LMBR1: variants seen among roughly 807,000 people sequenced by gnomAD.
LMBR1 encodes the protein limb development membrane protein 1.
Under a neutral mutation model 73.9 loss-of-function variants are expected in LMBR1, and 52 were observed. The ratio of observed to expected loss-of-function variants is 0.70; its 90% CI spans 0.56 to 0.89. The LOEUF is 0.89. Among genes scored for constraint, LMBR1 ranks in the 40% least tolerant of loss-of-function variants. The probability of loss-of-function intolerance (pLI) is 0.00; values close to 1 mark genes in which losing one functional copy is unlikely to be tolerated. For missense variants in LMBR1, 539 were observed against 579.8 expected (o/e 0.93, Z 0.72); for synonymous variants, 215 against 209.4 (o/e 1.03, Z -0.23).
At chr7:156,804,475 T>C (rs1197262995) in intron 4 of LMBR1, among the ~76,000 whole-genome samples, 1 of 152,238 alleles carries the variant, frequency 6.6e-6, no homozygotes, top group African/African-American at 2.4e-5. Flanking sequence ...AGTGGTTGTA[T>C]TTTACAGTCT....
chr7:156,781,921 A>AC, intron 5 of LMBR1, among the ~76,000 whole-genome samples: 1 of 152,142 alleles, frequency 6.6e-6, no homozygotes, highest in African/African-American at 2.4e-5. Flanking sequence ...CATCACCACC[A>AC]CCCATCTCCA....
intron 1 of LMBR1, 77 bp downstream of exon 1, chr7:156,892,851 A>ACCCGGGGAC (rs200101319): frequency 2.4e-5 from 25 of 1,059,406 alleles, no homozygotes; most frequent in East Asian, 6.9e-5. Flanking sequence ...GGGTCCGGGG[A>ACCCGGGGAC]CCGGGGGCCC....
chr7:156,887,224 G>C (rs1343020828), intron 1 of LMBR1, among the ~76,000 whole-genome samples: 2 of 152,138 alleles, frequency 1.3e-5, no homozygotes, highest in Non-Finnish European at 2.9e-5. Context: ...CCAGCACTTT[G>C]GGAGGCCGAG....
intron 9 of LMBR1, 132 bp downstream of exon 9, chr7:156,756,261 T>C (rs1458634527): frequency 1.8e-6 from 1 of 561,272 alleles, no homozygotes; most frequent in Non-Finnish European, 3.1e-6. Flanking sequence ...AGTTCTTTTA[T>C]TACTCTAAAG....
chr7:156,762,840 A>AGTGT (rs772516533), intron 7 of LMBR1, among the ~76,000 whole-genome samples: 2 of 115,672 alleles, frequency 1.7e-5, no homozygotes, highest in Admixed American at 9.5e-5. Flanking sequence ...AAAGTGTGTG[A>AGTGT]GTGTGAGTGT....
chr7:156,809,519 A>G (rs1832723897), intron 4 of LMBR1, among the ~76,000 whole-genome samples: 1 of 152,208 alleles, frequency 6.6e-6, no homozygotes, highest in African/African-American at 2.4e-5. Flanking sequence ...ACAATACCTA[A>G]TACAGTGTAA....
chr7:156,798,878 C>G (rs1398245377), intron 4 of LMBR1, among the ~76,000 whole-genome samples: 4 of 151,938 alleles, frequency 2.6e-5, no homozygotes, highest in Non-Finnish European at 4.4e-5. Flanking sequence ...ATCTCATAGT[C>G]TTTTTAAAAA....
Position 156,759,197 on chromosome 7 carries a change from G to A in LMBR1, c.685-2732C>T, listed in dbSNP as rs563432056. On this transcript the variant is annotated intron_variant, in intron 8 of 16. Coordinates refer to ENST00000353442, the MANE Select transcript of LMBR1 (RefSeq NM_022458.4). ...TCCCAGATGGGGAGACAAAAGTTTCGACCAGTGTTTTTGATGGTAGTAGCA... is the reference window on the plus strand; with the variant it reads ...TCCCAGATGGGGAGACAAAAGTTTCAACCAGTGTTTTTGATGGTAGTAGCA... 8.5e-5 allele frequency among the ~76,000 whole-genome samples: 13 copies of A among 152,308 alleles called. No homozygotes were observed. In the South Asian group the frequency reaches 1.7e-3, roughly 19 times the overall value.
chr7:156,865,989 G>T (rs1261880356), intron 1 of LMBR1, among the ~76,000 whole-genome samples: 3 of 150,580 alleles, frequency 2.0e-5, no homozygotes, highest in Non-Finnish European at 4.4e-5. Flanking sequence ...ATTATTGGAA[G>T]AAGGTATAGA....
At chr7:156,726,824 C>T (rs929404144) in intron 12 of LMBR1, among the ~76,000 whole-genome samples, 1 of 152,066 alleles carries the variant, frequency 6.6e-6, no homozygotes, top group Non-Finnish European at 1.5e-5. Flanking sequence ...GGGTGCCCCC[C>T]GCAACCCACC....
At position 156,796,399 on chromosome 7, in the gene LMBR1, C is replaced by A; in HGVS notation, c.413G>T (p.Gly138Val). Reference sequence around the variant, plus strand: ...ACTAGATTCACTTACCTTTTTCAGGCCAGCAAAGCCTTCTGATTCCAGAAA... The same window carrying A: ...ACTAGATTCACTTACCTTTTTCAGGACAGCAAAGCCTTCTGATTCCAGAAA... ...FFFLESEGFA[G>V]LKKGIRARIL... The change falls in exon 5 of 17, where the codon GGC (glycine) becomes GTC (valine). Residue 138 changes from glycine (G) to valine (V), a missense_variant. Gly to Val is a moderately radical substitution (Grantham distance 109). Coordinates refer to ENST00000353442, the MANE Select transcript of LMBR1 (RefSeq NM_022458.4). 1.3e-6 allele frequency: 2 copies of A among 1,598,956 alleles called. No homozygotes were observed. Among genetic ancestry groups the A allele is most frequent in the Non-Finnish European group, 1.7e-6 (2 of 1,173,850 alleles).
chr7:156,888,270 CGTGGTGGCGGGT>C (rs1180946102), intron 1 of LMBR1, among the ~76,000 whole-genome samples: 1 of 151,760 alleles, frequency 6.6e-6, no homozygotes, highest in Non-Finnish European at 1.5e-5. Flanking sequence ...GTTAGCTGGG[CGTGGTGGCGGGT>C]GCCTGTAGTC....
chr7:156,852,208 C>T (rs529485184), intron 1 of LMBR1, among the ~76,000 whole-genome samples: 33 of 152,174 alleles, frequency 2.2e-4, no homozygotes, highest in African/African-American at 7.0e-4. Flanking sequence ...ATGGGAAAAA[C>T]AAAGTAGTGT....
At position 156,698,432 on chromosome 7, in the gene LMBR1, G is replaced by C. The variant is rs922842839; in HGVS notation, c.1226-10241C>G. 2.6e-5 allele frequency among the ~76,000 whole-genome samples: 4 copies of C among 152,232 alleles called. No homozygotes were observed. In the South Asian group the frequency reaches 6.2e-4, roughly 24 times the overall value. On this transcript the variant is annotated intron_variant, in intron 15 of 16. Coordinates refer to ENST00000353442, the MANE Select transcript of LMBR1 (RefSeq NM_022458.4). ...TTCATTCCGTACTGCCCTAGCAGAG[G>C]TTCTCCGTGAGAGCCCTGCCTTTGC...
intron 5 of LMBR1, among the ~76,000 whole-genome samples, chr7:156,774,021 CAA>C (rs34888198): frequency 4.6e-5 from 7 of 150,586 alleles, no homozygotes; most frequent in South Asian, 2.1e-4. Flanking sequence ...CATTAATAAG[CAA>C]AAAAAAAACC....
intron 8 of LMBR1, among the ~76,000 whole-genome samples, chr7:156,761,907 G>C (rs557746256): frequency 6.7e-6 from 1 of 149,498 alleles, no homozygotes; most frequent in Non-Finnish European, 1.5e-5. Flanking sequence ...AACCCAGGGG[G>C]CGGAGCCTGC....
At chr7:156,872,959 C>T (rs997629112) in intron 1 of LMBR1, among the ~76,000 whole-genome samples, 4 of 152,200 alleles carry the variant, frequency 2.6e-5, no homozygotes, top group Non-Finnish European at 5.9e-5. Flanking sequence ...TTCTTGGTCT[C>T]ACTGACTTCA....
intron 1 of LMBR1, among the ~76,000 whole-genome samples, chr7:156,853,856 A>G (rs1175744214): frequency 6.6e-6 from 1 of 151,288 alleles, no homozygotes; most frequent in Non-Finnish European, 1.5e-5. Context: ...GGGCTTCATC[A>G]TGTTGGCCAG....
At chr7:156,689,640 C>T (rs1374676083) in intron 15 of LMBR1, among the ~76,000 whole-genome samples, 1 of 151,978 alleles carries the variant, frequency 6.6e-6, no homozygotes, top group Non-Finnish European at 1.5e-5. Context: ...CAGTAATATA[C>T]CAAAATATTT....
Sources: gnomAD v4.1 joint callset for allele counts (sites outside exome capture counted in the v4.1 genomes callset) on GRCh38, gnomAD v4.1.1 for gene constraint, MANE v1.5 for transcripts, NCBI Gene and HGNC (gene_info 2026-07-23, HGNC 2026-07-21) for gene names.